The following ERCC6L2 variants were observed in gnomAD, a reference collection of about 807,000 sequenced individuals.
ERCC6L2 encodes DNA excision repair protein ERCC-6-like 2.
A neutral mutation model predicts 132.0 loss-of-function variants in ERCC6L2; 77 were observed. The observed-to-expected ratio is 0.58, with a 90% confidence interval of 0.49 to 0.71. The LOEUF (loss-of-function observed/expected upper bound fraction) is 0.71. Among genes scored for constraint, ERCC6L2 ranks in the 30% least tolerant of loss-of-function variants. The probability of loss-of-function intolerance (pLI) is 0.00; values close to 1 mark genes in which losing one functional copy is unlikely to be tolerated. For missense variants in ERCC6L2, 1,542 were observed against 1,837.6 expected (o/e 0.84, Z 2.94); for synonymous variants, 583 against 632.4 (o/e 0.92, Z 1.17).
At chr9:95,963,905 C>T (rs766428324) in intron 13 of ERCC6L2, among the ~76,000 whole-genome samples, 3 of 152,152 alleles carry the variant, frequency 2.0e-5, no homozygotes, top group Non-Finnish European at 4.4e-5. Flanking sequence ...ATGGGGGTGA[C>T]CTGCCCTACT....
intron 11 of ERCC6L2, among the ~76,000 whole-genome samples, chr9:95,932,852 C>T (rs905212180): frequency 2.0e-5 from 3 of 152,150 alleles, no homozygotes; most frequent in Non-Finnish European, 4.4e-5. Flanking sequence ...AATACCAGTC[C>T]TCAGTTCGAA....
intron 13 of ERCC6L2, among the ~76,000 whole-genome samples, chr9:95,963,789 A>G (rs1350387972): frequency 6.6e-6 from 1 of 152,070 alleles, no homozygotes; most frequent in Non-Finnish European, 1.5e-5. Flanking sequence ...CCTTCAGTCT[A>G]GGTCCATTTG....
chr9:96,003,387 A>G (rs1326723312), intron 17 of ERCC6L2, among the ~76,000 whole-genome samples: 1 of 152,192 alleles, frequency 6.6e-6, no homozygotes, highest in Non-Finnish European at 1.5e-5. Context: ...TAGAGTTCCC[A>G]TACCACCACG....
intron 12 of ERCC6L2, 120 bp downstream of exon 12, chr9:95,941,669 A>G (rs1587945475): frequency 2.9e-6 from 2 of 698,568 alleles, no homozygotes; most frequent in Non-Finnish European, 4.8e-6. Flanking sequence ...ACTGGTAAAA[A>G]CGTACATTTA....
chr9:95,969,533 T>A (rs1250235416), intron 14 of ERCC6L2, among the ~76,000 whole-genome samples: 1 of 152,124 alleles, frequency 6.6e-6, no homozygotes. Flanking sequence ...CTCCAAGGTG[T>A]TTGGCCTGAA....
At chr9:96,031,661 T>G (rs928805928) in intron 19 of ERCC6L2, among the ~76,000 whole-genome samples, 9 of 152,250 alleles carry the variant, frequency 5.9e-5, no homozygotes, top group African/African-American at 1.9e-4. Context: ...CTGAGGGCAG[T>G]GACAGCTTGC....
At chr9:95,915,892 G>T in intron 5 of ERCC6L2, 63 bp downstream of exon 5, 1 of 1,443,180 alleles carries the variant, frequency 6.9e-7, no homozygotes, top group Non-Finnish European at 9.3e-7. Flanking sequence ...GGTCTTGTTT[G>T]CTAATCATTA....
At chr9:96,022,143 GC>G (rs925912308), downstream of ERCC6L2, among the ~76,000 whole-genome samples, 5 of 152,224 alleles carry the variant, frequency 3.3e-5, no homozygotes, top group Non-Finnish European at 5.9e-5. Flanking sequence ...GGATCCCCCT[GC>G]CAAGGGCCCT....
chr9:95,931,814 G>C (rs1830351333), intron 11 of ERCC6L2, among the ~76,000 whole-genome samples: 1 of 150,418 alleles, frequency 6.6e-6, no homozygotes, highest in Admixed American at 6.6e-5. Flanking sequence ...TTTGTGCTGG[G>C]TACAGTAGGC....
chr9:95,970,565 T>G lies in ERCC6L2; in HGVS notation c.2101-11T>G. The G allele has an allele frequency of 7.7e-7, 1 of 1,299,432 alleles. No homozygotes were observed. Among genetic ancestry groups the G allele is most frequent in the African/African-American group, 1.5e-5 (1 of 65,764 alleles). 80.5% of individuals were successfully genotyped at this position (1,299,432 alleles called of 1,614,324 possible). The stretch of plus-strand genomic sequence containing the variant: ...CATAGCTATTTGCATTCTTTCTTAC[T>G]GACATTATAGAGAGAAGGCCAAGTA... On this transcript the variant is annotated splice_polypyrimidine_tract_variant and intron_variant, in intron 14 of 18. Transcript: ENST00000653738.
chr9:95,876,099 C>G lies in ERCC6L2; in HGVS notation c.46+15C>G. On this transcript the variant is annotated intron_variant, in intron 1 of 18. Transcript: ENST00000653738. ...CTCAGGCAAAGGTACCAGCTCCGCGCTCGCCCCTTACGCAGAGGCCTGTGT... is the reference window on the plus strand; with the variant it reads ...CTCAGGCAAAGGTACCAGCTCCGCGGTCGCCCCTTACGCAGAGGCCTGTGT... 1.3e-6 allele frequency: 2 copies of G among 1,561,414 alleles called. No individual in the cohort carries two copies. The highest frequency in any genetic ancestry group is 1.7e-6 in the Non-Finnish European group (2 of 1,153,130).
At chr9:95,990,376 G>A (rs2133155339) in intron 17 of ERCC6L2, among the ~76,000 whole-genome samples, 1 of 152,310 alleles carries the variant, frequency 6.6e-6, no homozygotes, top group African/African-American at 2.4e-5. Flanking sequence ...TTAGAGACTG[G>A]CAGTTCTCAA....
chr9:95,896,351 T>A (rs1278211383), intron 2 of ERCC6L2, among the ~76,000 whole-genome samples: 1 of 152,114 alleles, frequency 6.6e-6, no homozygotes, highest in Non-Finnish European at 1.5e-5. Flanking sequence ...TTCTTTTTCC[T>A]GCAAGGTCAG....
intron 17 of ERCC6L2, among the ~76,000 whole-genome samples, chr9:95,988,269 T>C (rs1364035450): frequency 6.6e-6 from 1 of 152,258 alleles, no homozygotes; most frequent in Admixed American, 6.5e-5. Context: ...CAAATACGTC[T>C]GAACTGGAAT....
chr9:96,028,240 C>A (rs1278313923), intron 19 of ERCC6L2, among the ~76,000 whole-genome samples: 1 of 152,034 alleles, frequency 6.6e-6, no homozygotes, highest in African/African-American at 2.4e-5. Context: ...TTTTCCACTT[C>A]TCCCCTCTGT....
intron 18 of ERCC6L2, among the ~76,000 whole-genome samples, chr9:96,006,068 G>T (rs986871720): frequency 6.6e-6 from 1 of 152,190 alleles, no homozygotes; most frequent in African/African-American, 2.4e-5. Flanking sequence ...ACATTCTGTG[G>T]GAAGGTTCAG....
chr9:95,993,127 C>G (rs1167174048), intron 17 of ERCC6L2, among the ~76,000 whole-genome samples: 1 of 152,038 alleles, frequency 6.6e-6, no homozygotes, highest in Non-Finnish European at 1.5e-5. Context: ...AGTCCCAGAT[C>G]CAAATCTCCC....
rs1828645169 is a variant in ERCC6L2 at position 95,899,535 on chromosome 9, C to T, written c.594+1564C>T. 3.3e-5 allele frequency among the ~76,000 whole-genome samples: 5 copies of T among 151,972 alleles called. No individual in the cohort carries two copies. The South Asian group carries it at 6.2e-4, about 19-fold the overall frequency. The stretch of plus-strand genomic sequence containing the variant: ...GGTAAAATATGCTTATAATAGTTAC[C>T]TCAGTTGACTCCAGTTCCTCTCCTT... On this transcript the variant is annotated intron_variant, in intron 3 of 18. Transcript: ENST00000653738.
chr9:96,031,502 G>A (rs1834460462), intron 19 of ERCC6L2, among the ~76,000 whole-genome samples: 1 of 152,188 alleles, frequency 6.6e-6, no homozygotes, highest in African/African-American at 2.4e-5. Flanking sequence ...TTCCCAACAA[G>A]CAAAGTAGGG....
Sources: allele counts gnomAD v4.1 joint callset (sites outside exome capture counted in the v4.1 genomes callset), GRCh38; gene constraint gnomAD v4.1.1; transcripts MANE v1.5; gene names NCBI Gene and HGNC (gene_info 2026-07-23, HGNC 2026-07-21).